The following NFX1 variants were observed in gnomAD, a reference collection of about 807,000 sequenced individuals.
NFX1 encodes nuclear transcription factor, X-box binding 1, also known as transcriptional repressor NF-X1.
NFX1 carries 69 observed loss-of-function variants against 137.2 expected under a neutral mutation model. The observed-to-expected ratio is 0.50, with a 90% confidence interval of 0.41 to 0.61. NFX1 has a LOEUF of 0.61. Among genes scored for constraint, NFX1 ranks in the 20% least tolerant of loss-of-function variants. The pLI, the probability that NFX1 is intolerant of heterozygous loss-of-function variation, is 0.00. For synonymous variants in NFX1, 495 were observed against 474.1 expected, an observed-to-expected ratio of 1.04 and a Z score of -0.57; for missense variants, 1,167 against 1,391.0, an observed-to-expected ratio of 0.84 and a Z score of 2.56.
intron 20 of NFX1, 123 bp from the exon 21 acceptor site, chr9:33,364,585 C>T: frequency 3.6e-6 from 4 of 1,110,344 alleles, no homozygotes; most frequent in Admixed American, 2.9e-5. Context: ...CTGACAATTC[C>T]TGATCTCTGC....
At chr9:33,355,272 A>G (rs1449443749) in intron 19 of NFX1, among the ~76,000 whole-genome samples, 1 of 152,230 alleles carries the variant, frequency 6.6e-6, no homozygotes, top group Non-Finnish European at 1.5e-5. Context: ...AATCGTCACT[A>G]AATGATTACA....
At chr9:33,303,015 T>G (rs982079708) in intron 3 of NFX1, among the ~76,000 whole-genome samples, 176 bp from the exon 4 acceptor site, 1 of 151,036 alleles carries the variant, frequency 6.6e-6, no homozygotes, top group Non-Finnish European at 1.5e-5. Flanking sequence ...TGGAAAATGC[T>G]GTATTCAAGC....
At chr9:33,306,978 G>T (rs1821776078) in intron 4 of NFX1, among the ~76,000 whole-genome samples, 1 of 152,070 alleles carries the variant, frequency 6.6e-6, no homozygotes, top group Non-Finnish European at 1.5e-5. Flanking sequence ...ATCTTTCCCA[G>T]GTAATCCAAG....
chr9:33,299,590 A>C (rs1249110219), intron 2 of NFX1, among the ~76,000 whole-genome samples: 1 of 152,104 alleles, frequency 6.6e-6, no homozygotes. Context: ...CAGGATGCTG[A>C]GGTGGGAGGA....
chr9:33,294,183 G>A (rs1441166186), intron 1 of NFX1, among the ~76,000 whole-genome samples: 2 of 152,124 alleles, frequency 1.3e-5, no homozygotes, highest in Non-Finnish European at 2.9e-5. Flanking sequence ...ATTTTTACTC[G>A]ACAACACTTA....
Position 33,354,148 on chromosome 9 carries a change from T to G in NFX1, c.2792T>G (p.Ile931Ser). The change falls in exon 18 of 24, where the codon ATC (isoleucine) becomes AGC (serine). Residue 931 changes from isoleucine to serine, a missense_variant. Coordinates refer to ENST00000379540, the MANE Select transcript of NFX1 (RefSeq NM_002504.6). ...TDMQLGGSVE[I>S]SKLITKKEVH... ...ATGCAGCTTGGAGGTTCAGTGGAGATCAGCAAGTTAATTACCAAAAAGGAA... is the reference window on the plus strand; with the variant it reads ...ATGCAGCTTGGAGGTTCAGTGGAGAGCAGCAAGTTAATTACCAAAAAGGAA... 1 of 1,613,588 alleles carries G rather than the reference T, an allele frequency of 6.2e-7. No homozygotes were observed. Among genetic ancestry groups the G allele is most frequent in the Non-Finnish European group, 8.5e-7 (1 of 1,179,810 alleles).
chr9:33,340,324 T>C (rs901128949), intron 12 of NFX1, among the ~76,000 whole-genome samples: 5 of 152,274 alleles, frequency 3.3e-5, no homozygotes, highest in Admixed American at 1.3e-4. Context: ...GCCTGCACTC[T>C]GAAGCCTTGG....
chr9:33,355,586 A>T (rs1823781816), intron 19 of NFX1, among the ~76,000 whole-genome samples: 1 of 150,948 alleles, frequency 6.6e-6, no homozygotes, highest in Admixed American at 6.6e-5. Flanking sequence ...TTATACTGTT[A>T]ATGGATATCT....
At chr9:33,358,313 A>T (rs1444426583) in intron 19 of NFX1, among the ~76,000 whole-genome samples, 2 of 151,992 alleles carry the variant, frequency 1.3e-5, no homozygotes, top group Admixed American at 1.3e-4. Context: ...TTTAGTAGAG[A>T]TGGTGTTTCA....
At chr9:33,329,324 G>A (rs796722565) in intron 10 of NFX1, among the ~76,000 whole-genome samples, 6 of 152,272 alleles carry the variant, frequency 3.9e-5, no homozygotes, top group African/African-American at 1.2e-4. Flanking sequence ...TGCAATCATA[G>A]TTGACTGCCC....
At chr9:33,314,399 G>A (rs757248956) in intron 7 of NFX1, among the ~76,000 whole-genome samples, 12 of 152,066 alleles carry the variant, frequency 7.9e-5, no homozygotes, top group African/African-American at 1.7e-4. Flanking sequence ...TGAACTGGCC[G>A]GGCATAGTGG....
At chr9:33,292,249 T>C (rs976615446) in intron 1 of NFX1, among the ~76,000 whole-genome samples, 12 of 152,126 alleles carry the variant, frequency 7.9e-5, no homozygotes, top group African/African-American at 2.9e-4. Flanking sequence ...TTTCATGTGC[T>C]TTAGTTTGAT....
rs1476808897 is a variant in NFX1 at position 33,371,156 on chromosome 9, T to C, written c.*1178T>C. The C allele has an allele frequency of 1.3e-5, 2 of 152,234 alleles. No homozygotes were observed. The highest frequency in any genetic ancestry group is 2.9e-5 in the Non-Finnish European group (2 of 68,050). The allele number at this position is 152,234 out of a possible 1,614,324, so 9.4% of individuals were successfully genotyped here. ...TTAATTAAATTATAAAATTTAACTT[T>C]ATAGGGCTGCCTTTTGGTGTTTTCA... On this transcript the variant is annotated 3_prime_UTR_variant, in exon 24 of 24. Transcript: ENST00000379540.
chr9:33,334,398 G>A (rs1387854722), intron 11 of NFX1, among the ~76,000 whole-genome samples: 2 of 152,230 alleles, frequency 1.3e-5, no homozygotes, highest in African/African-American at 4.8e-5. Flanking sequence ...TGAGGTTGCA[G>A]TGAGCTGTGA....
chr9:33,355,518 A>G (rs1187322126), intron 19 of NFX1, among the ~76,000 whole-genome samples: 1 of 152,020 alleles, frequency 6.6e-6, no homozygotes. Context: ...GCATGTAGCA[A>G]TGCTTTATTC....
Position 33,295,166 on chromosome 9 carries a change from G to A in NFX1, c.772G>A (p.Gly258Ser). The A allele has an allele frequency of 6.2e-7, 1 of 1,614,158 alleles. No individual in the cohort carries two copies. The highest frequency in any genetic ancestry group is 8.5e-7 in the Non-Finnish European group (1 of 1,180,024). Reference sequence around the variant, plus strand: ...AGTGGAGGGGGCCAGGCCACGACCAGGCAGAAATCCACCAAAACAGGAGGG... The same window carrying A: ...AGTGGAGGGGGCCAGGCCACGACCAAGCAGAAATCCACCAAAACAGGAGGG... Reference protein sequence around the residue: ...WEVEGARPRPGRNPPKQEGHR... With the variant: ...WEVEGARPRPSRNPPKQEGHR... The change falls in exon 2 of 24, where the codon GGC (glycine) becomes AGC (serine). Residue 258 changes from glycine (G) to serine (S), a missense_variant. By Grantham distance (56) the Gly-to-Ser change is moderately conservative. Around this residue, in one of 3 missense-constraint regions of NFX1, gnomAD observed 367 missense variants for 386.7 expected, o/e 0.95. Coordinates refer to ENST00000379540, the MANE Select transcript of NFX1 (RefSeq NM_002504.6).
intron 9 of NFX1, among the ~76,000 whole-genome samples, chr9:33,324,399 A>C (rs1229908373): frequency 6.6e-6 from 1 of 152,058 alleles, no homozygotes; most frequent in African/African-American, 2.4e-5. Flanking sequence ...ATAATAATTA[A>C]ATTTAGCTGG....
chr9:33,367,514 G>A lies in NFX1; in HGVS notation c.3186-1G>A. On this transcript the variant is annotated splice_acceptor_variant, in intron 22 of 23. Coordinates refer to ENST00000379540, the MANE Select transcript of NFX1 (RefSeq NM_002504.6). LOFTEE classifies it high-confidence loss of function. Reference sequence around the variant, plus strand: ...ATGCTTGGTGTTTTGACTTTTATCAGGGGGAAGTCCGTTTGTCCTCCTACC... The same window carrying A: ...ATGCTTGGTGTTTTGACTTTTATCAAGGGGAAGTCCGTTTGTCCTCCTACC... 1 of 1,613,454 alleles carries A rather than the reference G, an allele frequency of 6.2e-7. No individual in the cohort carries two copies. Among genetic ancestry groups the A allele is most frequent in the Non-Finnish European group, 8.5e-7 (1 of 1,179,590 alleles).
intron 11 of NFX1, among the ~76,000 whole-genome samples, chr9:33,333,935 A>C (rs558523111): frequency 2.6e-5 from 4 of 152,382 alleles, no homozygotes; most frequent in South Asian, 4.1e-4. Context: ...ACCTGAGGTC[A>C]GGAGTTCAAG....
Sources: gnomAD v4.1 joint callset for allele counts (sites outside exome capture counted in the v4.1 genomes callset) on GRCh38, gnomAD v4.1.1 for gene constraint, gnomAD v4.1.1 regional missense constraint, MANE v1.5 for transcripts, NCBI Gene and HGNC (gene_info 2026-07-23, HGNC 2026-07-21) for gene names.